The following FSTL4 variants were observed in gnomAD, a reference collection of about 807,000 sequenced individuals.
FSTL4 encodes follistatin-related protein 4.
In FSTL4, 28 loss-of-function variants were observed where a neutral mutation model predicts 78.2. The ratio of observed to expected loss-of-function variants is 0.36; its 90% confidence interval spans 0.27 to 0.49. The LOEUF is 0.49. Ranked by LOEUF, FSTL4 falls within the 20% of genes least tolerant of loss-of-function variation. FSTL4 has a pLI of 0.98. For missense variants in FSTL4, 922 were observed against 1,084.9 expected, an observed-to-expected ratio of 0.85 and a Z score of 2.11; for synonymous variants, 422 against 440.5, an observed-to-expected ratio of 0.96 and a Z score of 0.53.
chr5:133,751,084 C>T, the FSTL4 span, among the ~76,000 whole-genome samples: 9 of 152,134 alleles, frequency 5.9e-5, no homozygotes, highest in Non-Finnish European at 1.3e-4. Context: ...CCCACCTCTG[C>T]ATGAAGCTTC....
At chr5:133,700,029 C>T in the FSTL4 span, among the ~76,000 whole-genome samples, 4 of 152,160 alleles carry the variant, frequency 2.6e-5, no homozygotes, top group Non-Finnish European at 5.9e-5. Context: ...CATTTGCCCG[C>T]GGTCTTCATT....
chr5:133,824,310 G>A, the FSTL4 span, among the ~76,000 whole-genome samples: 5 of 152,198 alleles, frequency 3.3e-5, no homozygotes, highest in Non-Finnish European at 5.9e-5. Flanking sequence ...CCTTGGGTTC[G>A]ATTAATCTGC....
At chr5:133,396,245 G>T (rs972536107) in intron 4 of FSTL4, among the ~76,000 whole-genome samples, 5 of 152,202 alleles carry the variant, frequency 3.3e-5, no homozygotes, top group African/African-American at 1.2e-4. Context: ...TGTTGACACT[G>T]CGTAGAGAAG....
At chr5:133,374,441 G>T (rs962675899) in intron 4 of FSTL4, among the ~76,000 whole-genome samples, 12 of 152,016 alleles carry the variant, frequency 7.9e-5, no homozygotes, top group Admixed American at 2.6e-4. Context: ...AGATGAAATG[G>T]TCTTTTAATA....
chr5:133,526,681 G>A (rs149584), intron 3 of FSTL4, among the ~76,000 whole-genome samples: 90,252 of 151,904 alleles, frequency 0.59, 27,743 homozygotes, highest in South Asian at 0.69. Flanking sequence ...CGCTATGCAG[G>A]CAGGGTCAGG....
chr5:133,742,850 C>G, the FSTL4 span, among the ~76,000 whole-genome samples: 1 of 152,052 alleles, frequency 6.6e-6, no homozygotes, highest in Non-Finnish European at 1.5e-5. Context: ...AGGCAGAGTG[C>G]CTGCCTGAAT....
At chr5:133,228,476 C>T (rs1182626186) in intron 8 of FSTL4, among the ~76,000 whole-genome samples, 1 of 152,178 alleles carries the variant, frequency 6.6e-6, no homozygotes, top group Non-Finnish European at 1.5e-5. Flanking sequence ...GCAAAAAAGA[C>T]TACACACTGA....
the FSTL4 span, among the ~76,000 whole-genome samples, chr5:133,652,531 G>A: frequency 2.3e-4 from 35 of 151,726 alleles, no homozygotes; most frequent in African/African-American, 8.3e-4. Context: ...GAAATGTGTT[G>A]CTTAATTTCA....
chr5:133,425,062 A>G (rs943466828), intron 3 of FSTL4, among the ~76,000 whole-genome samples: 1 of 152,232 alleles, frequency 6.6e-6, no homozygotes, highest in Non-Finnish European at 1.5e-5. Context: ...ATTTCAAGTG[A>G]GTATTGATAG....
chr5:133,476,267 G>A (rs1757923368), intron 3 of FSTL4, among the ~76,000 whole-genome samples: 1 of 152,160 alleles, frequency 6.6e-6, no homozygotes, highest in African/African-American at 2.4e-5. Flanking sequence ...GTTACAAAAA[G>A]ATGAAGGAAC....
chr5:133,439,038 CT>C (rs1467993711), intron 3 of FSTL4, among the ~76,000 whole-genome samples: 1 of 152,194 alleles, frequency 6.6e-6, no homozygotes, highest in East Asian at 1.9e-4. Context: ...TCTTATTCTA[CT>C]TATTGTAACA....
chr5:133,671,974 C>T, the FSTL4 span, among the ~76,000 whole-genome samples: 1 of 152,170 alleles, frequency 6.6e-6, no homozygotes, highest in Non-Finnish European at 1.5e-5. Flanking sequence ...ATAAATTTTG[C>T]TTCTAAGAGA....
chr5:133,793,522 A>G, the FSTL4 span, among the ~76,000 whole-genome samples: 1 of 152,236 alleles, frequency 6.6e-6, no homozygotes, highest in Non-Finnish European at 1.5e-5. Flanking sequence ...CCCTGGTTCA[A>G]GGTCTCACAG....
At chr5:133,713,507 G>A in the FSTL4 span, among the ~76,000 whole-genome samples, 1 of 152,182 alleles carries the variant, frequency 6.6e-6, no homozygotes, top group African/African-American at 2.4e-5. Context: ...TTGAAAGAGG[G>A]ACAATAAAAG....
At chr5:133,652,350 C>T in the FSTL4 span, among the ~76,000 whole-genome samples, 2 of 152,086 alleles carry the variant, frequency 1.3e-5, no homozygotes, top group African/African-American at 2.4e-5. Flanking sequence ...AGCTGAATAA[C>T]TTCAGATCTT....
At chr5:133,692,513 C>T in the FSTL4 span, among the ~76,000 whole-genome samples, 1 of 152,122 alleles carries the variant, frequency 6.6e-6, no homozygotes, top group Non-Finnish European at 1.5e-5. Flanking sequence ...ACAAGAAGAG[C>T]TAGATTCAGT....
intron 3 of FSTL4, among the ~76,000 whole-genome samples, chr5:133,470,807 T>TAAAATAAAAAC (rs1334334074): frequency 0.015 from 2,114 of 139,390 alleles, 116 homozygotes; most frequent in Admixed American, 0.099. Flanking sequence ...AAAATAAAAA[T>TAAAATAAAAAC]AAATAAATAA....
At chr5:133,682,204 T>A in the FSTL4 span, among the ~76,000 whole-genome samples, 4 of 152,126 alleles carry the variant, frequency 2.6e-5, no homozygotes, top group African/African-American at 9.7e-5. Flanking sequence ...ATGACATCCA[T>A]CAGAGTGGAA....
the FSTL4 span, among the ~76,000 whole-genome samples, chr5:133,742,438 A>C: frequency 4.6e-5 from 7 of 152,252 alleles, no homozygotes; most frequent in African/African-American, 1.7e-4. Flanking sequence ...GTGATATATA[A>C]GGAAACAAAA....
Sources: allele counts gnomAD v4.1 joint callset (sites outside exome capture counted in the v4.1 genomes callset), GRCh38; gene constraint gnomAD v4.1.1; transcripts MANE v1.5; gene names NCBI Gene and HGNC (gene_info 2026-07-23, HGNC 2026-07-21).